SH3KBP1: variants seen among roughly 807,000 people sequenced by gnomAD.
SH3KBP1 encodes SH3 domain containing kinase binding protein 1.
Under a neutral mutation model 50.1 loss-of-function variants are expected in SH3KBP1, and 8 were observed. That is an observed-to-expected ratio of 0.16 (90% CI 0.09 to 0.29). The LOEUF is 0.29. SH3KBP1 is among the 10% of genes least tolerant of loss of function. The pLI is 1.00. For synonymous variants in SH3KBP1, 227 were observed against 218.6 expected (o/e 1.04, Z -0.34); for missense variants, 377 against 535.2 (o/e 0.70, Z 2.92).
At chrX:19,655,726 T>C (rs1179688904) in intron 6 of SH3KBP1, among the ~76,000 whole-genome samples, 2 of 111,338 alleles carry the variant, frequency 1.8e-5, no homozygotes, top group Admixed American at 9.6e-5. Context: ...CTATGTTCAC[T>C]ATTTGGGCGA....
At chrX:19,777,631 C>A (rs1327512660) in intron 2 of SH3KBP1, among the ~76,000 whole-genome samples, 1 of 108,830 alleles carries the variant, frequency 9.2e-6, no homozygotes, top group Non-Finnish European at 1.9e-5. Flanking sequence ...TAGGCGCTAC[C>A]CCTAGAAGTC....
intron 8 of SH3KBP1, among the ~76,000 whole-genome samples, chrX:19,617,901 G>GA (rs1024380941): frequency 3.6e-5 from 4 of 110,741 alleles, no homozygotes; most frequent in South Asian, 3.8e-4. Flanking sequence ...GAAATGAGGG[G>GA]AAAAAACAAA....
intron 3 of SH3KBP1, among the ~76,000 whole-genome samples, chrX:19,722,971 C>CA (rs770886425): frequency 4.6e-5 from 5 of 109,271 alleles, no homozygotes; most frequent in East Asian, 5.8e-4. Flanking sequence ...CCCATCTCCA[C>CA]AAAAAACAAA....
intron 2 of SH3KBP1, among the ~76,000 whole-genome samples, chrX:19,834,388 C>T (rs2129008): frequency 8.9e-6 from 1 of 111,977 alleles, no homozygotes; most frequent in African/African-American, 3.2e-5. Context: ...AGCAGGGGAC[C>T]TGGGGACTTC....
chrX:19,592,674 G>A (rs1468065810), intron 10 of SH3KBP1, among the ~76,000 whole-genome samples: 1 of 112,114 alleles, frequency 8.9e-6, no homozygotes, highest in Non-Finnish European at 1.9e-5. Context: ...GCTTCAATCA[G>A]TGGCAGGAAT....
chrX:19,728,179 AT>A (rs1172857710), intron 3 of SH3KBP1, among the ~76,000 whole-genome samples: 4 of 110,166 alleles, frequency 3.6e-5, no homozygotes, highest in African/African-American at 1.3e-4. Flanking sequence ...TGGATTTCAG[AT>A]TTTTTTTTCA....
intron 5 of SH3KBP1, among the ~76,000 whole-genome samples, chrX:19,685,219 A>G (rs932868361): frequency 1.8e-5 from 2 of 112,455 alleles, no homozygotes; most frequent in African/African-American, 6.5e-5. Flanking sequence ...CTCCTAGTCC[A>G]TAAGAATGAT....
At chrX:19,856,810 T>C (rs2068654295) in intron 1 of SH3KBP1, among the ~76,000 whole-genome samples, 1 of 110,044 alleles carries the variant, frequency 9.1e-6, no homozygotes, top group Admixed American at 9.8e-5. Flanking sequence ...TGGTACTTTG[T>C]TCTGGCAGCC....
chrX:19,878,576 C>T (rs1460565595), intron 1 of SH3KBP1, among the ~76,000 whole-genome samples: 1 of 108,917 alleles, frequency 9.2e-6, no homozygotes, highest in African/African-American at 3.4e-5. Context: ...AAAACACACA[C>T]ACACACAAAA....
chrX:19,820,442 A>G (rs1367496757), intron 2 of SH3KBP1, among the ~76,000 whole-genome samples: 1 of 111,204 alleles, frequency 9.0e-6, no homozygotes, highest in Non-Finnish European at 1.9e-5. Flanking sequence ...TGACACTTTT[A>G]TCATTGTGTA....
intron 2 of SH3KBP1, among the ~76,000 whole-genome samples, chrX:19,783,453 G>A (rs1298908457): frequency 1.8e-5 from 2 of 111,473 alleles, no homozygotes; most frequent in Admixed American, 1.9e-4. Context: ...ATAAACTGTT[G>A]TTTATAGTCA....
chrX:19,873,290 G>GTATATATA (rs60336593), intron 1 of SH3KBP1, among the ~76,000 whole-genome samples: 8 of 71,335 alleles, frequency 1.1e-4, no homozygotes, highest in East Asian at 3.6e-4. Context: ...ATATATATAT[G>GTATATATA]TATATATATA....
chrX:19,806,619 T>C (rs1275926110), intron 2 of SH3KBP1, among the ~76,000 whole-genome samples: 1 of 111,324 alleles, frequency 9.0e-6, no homozygotes, highest in African/African-American at 3.3e-5. Context: ...TCAGACAACA[T>C]TGCCCTCACG....
chrX:19,653,763 T>TACAC lies in SH3KBP1; in HGVS notation c.727-8292_727-8289dup, dbSNP rs60424271. On this transcript the variant is annotated intron_variant, in intron 6 of 17. Transcript: ENST00000397821. ...ACATACACATATATATATGTCTAAATACACACACACACACACACACACACA... is the reference window on the plus strand; with the variant it reads ...ACATACACATATATATATGTCTAAATACACACACACACACACACACACACACACA... 5.1e-3 allele frequency among the ~76,000 whole-genome samples: 410 copies of TACAC among 80,261 alleles called. 1 individual carries two copies. Among genetic ancestry groups the TACAC allele is most frequent in the East Asian group, 0.01 (23 of 2,222 alleles). The allele number at this position is 80,261 out of a possible 115,157, so 69.7% of individuals were successfully genotyped here. A position where few individuals can be genotyped will look rare whatever the true frequency, so the allele number is the denominator to read the frequency against.
Position 19,887,453 on chromosome X carries a change from T to C in SH3KBP1, c.-143A>G. ...GCGGCTGGGCCGGCTTCTTCCTCAGTGGCGGCGGCGGCGGCTCAGCGCCGC... is the reference window on the plus strand; with the variant it reads ...GCGGCTGGGCCGGCTTCTTCCTCAGCGGCGGCGGCGGCGGCTCAGCGCCGC... On this transcript the variant is annotated 5_prime_UTR_variant, in exon 1 of 18. Transcript: ENST00000397821. 2.3e-6 allele frequency: 1 copy of C among 438,786 alleles called. No individual in the cohort carries two copies. The highest frequency in any genetic ancestry group is 3.3e-6 in the Non-Finnish European group (1 of 306,896). 36.2% of individuals were successfully genotyped at this position (438,786 alleles called of 1,213,427 possible).
At chrX:19,750,134 A>G (rs906997796) in intron 2 of SH3KBP1, among the ~76,000 whole-genome samples, 5 of 110,681 alleles carry the variant, frequency 4.5e-5, no homozygotes, top group African/African-American at 1.7e-4. Flanking sequence ...ATCTCAGTTC[A>G]CTGCAACCTC....
chrX:19,849,291 A>C (rs2068440759), intron 1 of SH3KBP1, among the ~76,000 whole-genome samples: 1 of 111,753 alleles, frequency 8.9e-6, no homozygotes, highest in Admixed American at 9.6e-5. Flanking sequence ...TGGCACTCTA[A>C]GGAGGCAATC....
At chrX:19,836,911 T>C (rs944351126) in intron 1 of SH3KBP1, among the ~76,000 whole-genome samples, 1 of 111,559 alleles carries the variant, frequency 9.0e-6, no homozygotes, top group African/African-American at 3.3e-5. Flanking sequence ...AAGGGACTTT[T>C]CCCCCTTTTG....
intron 3 of SH3KBP1, among the ~76,000 whole-genome samples, chrX:19,716,364 G>A (rs2063909406): frequency 8.9e-6 from 1 of 112,071 alleles, no homozygotes; most frequent in African/African-American, 3.2e-5. Flanking sequence ...CCAGCATTGT[G>A]TGGTCCCTGG....
Sources: allele counts gnomAD v4.1 joint callset (sites outside exome capture counted in the v4.1 genomes callset), GRCh38; gene constraint gnomAD v4.1.1; transcripts MANE v1.5; gene names NCBI Gene and HGNC (gene_info 2026-07-23, HGNC 2026-07-21).